ANKRD33B: variants seen among roughly 807,000 people sequenced by gnomAD.
ANKRD33B encodes the protein ankyrin repeat domain-containing protein 33B.
Under a neutral mutation model 21.5 loss-of-function variants are expected in ANKRD33B, and 6 were observed. The observed-to-expected ratio is 0.28, with a 90% CI of 0.15 to 0.55. The LOEUF (loss-of-function observed/expected upper bound fraction) is 0.55. Ranked by LOEUF, ANKRD33B falls within the 20% of genes least tolerant of loss-of-function variation. The pLI, the probability that ANKRD33B is intolerant of heterozygous loss-of-function variation, is 0.94. For synonymous variants in ANKRD33B, 347 were observed against 342.4 expected (o/e 1.01, Z -0.15); for missense variants, 698 against 747.2 (o/e 0.93, Z 0.77).
chr5:10,589,578 A>G (rs774588499), intron 1 of ANKRD33B, among the ~76,000 whole-genome samples: 1 of 152,234 alleles, frequency 6.6e-6, no homozygotes, highest in African/African-American at 2.4e-5. Flanking sequence ...GACATATTTC[A>G]TATCACATGT....
In ANKRD33B at chr5:10,581,012, G is replaced by A. The variant is rs557239842; in HGVS notation, c.366+16179G>A. Among the ~76,000 whole-genome samples the A allele has an allele frequency of 7.9e-5, 12 of 152,222 alleles. No individual in the cohort carries two copies. In the East Asian group the frequency reaches 2.1e-3, roughly 27 times the overall value. On this transcript the variant is annotated intron_variant, in intron 1 of 3. Transcript: ENST00000296657. The stretch of plus-strand genomic sequence containing the variant: ...GCCAGTCGGTGGGTCCCATGTCCTC[G>A]TCCTGCCTCCAGCCTTGGGGTGGGC...
At chr5:10,580,339 G>T (rs760693305) in intron 1 of ANKRD33B, among the ~76,000 whole-genome samples, 4 of 152,196 alleles carry the variant, frequency 2.6e-5, no homozygotes, top group African/African-American at 4.8e-5. Flanking sequence ...CTGACCTGTC[G>T]CTGCAGAGGT....
intron 1 of ANKRD33B, among the ~76,000 whole-genome samples, chr5:10,613,102 G>T (rs548502874): frequency 1.1e-4 from 16 of 152,218 alleles, no homozygotes; most frequent in African/African-American, 3.9e-4. Context: ...GCCCCACGTG[G>T]CTCTGGGGCT....
At chr5:10,618,584 A>T in intron 2 of ANKRD33B, 122 bp downstream of exon 2, 2 of 1,347,312 alleles carry the variant, frequency 1.5e-6, no homozygotes, top group Non-Finnish European at 2.0e-6. Context: ...CCTGCTACCA[A>T]GGGGTGCCAG....
chr5:10,593,043 AC>A (rs1735730443), intron 1 of ANKRD33B, among the ~76,000 whole-genome samples: 2 of 151,672 alleles, frequency 1.3e-5, no homozygotes, highest in South Asian at 4.2e-4. Context: ...TTTTCCCACC[AC>A]CCCGTATCCA....
At chr5:10,622,105 C>T (rs563420284) in intron 2 of ANKRD33B, among the ~76,000 whole-genome samples, 1 of 152,326 alleles carries the variant, frequency 6.6e-6, no homozygotes, top group East Asian at 1.9e-4. Context: ...TGAGCTATAA[C>T]AGGAAGTAAA....
intron 1 of ANKRD33B, among the ~76,000 whole-genome samples, chr5:10,591,416 G>A (rs1288991301): frequency 1.3e-5 from 2 of 151,912 alleles, no homozygotes; most frequent in East Asian, 1.9e-4. Context: ...GGCTAGTCTC[G>A]AACGCCTGAC....
At chr5:10,569,616 A>ATAAG (rs1405991055) in intron 1 of ANKRD33B, among the ~76,000 whole-genome samples, 1 of 151,808 alleles carries the variant, frequency 6.6e-6, no homozygotes, top group East Asian at 1.9e-4. Context: ...AAATAAATAA[A>ATAAG]TAAATAAATA....
Position 10,649,630 on chromosome 5 carries a change from C to G in ANKRD33B, c.1002C>G (p.Ser334Arg). 6.5e-7 allele frequency: 1 copy of G among 1,531,052 alleles called. No individual in the cohort carries two copies. The highest frequency in any genetic ancestry group is 8.7e-7 in the Non-Finnish European group (1 of 1,144,790). 94.8% of individuals were successfully genotyped at this position (1,531,052 alleles called of 1,614,324 possible). Residue 334 changes from serine (S) to arginine (R), a missense_variant, in exon 4 of 4, where the codon AGC becomes AGG. Physicochemically the swap from Ser to Arg is moderately radical, Grantham distance 110. Transcript: ENST00000296657. ...CCGTGTGCCCTGAGAGCCCTCCGAGCGTGGGGAAGAGGCGGCTGGCGGTGC... is the reference window on the plus strand; with the variant it reads ...CCGTGTGCCCTGAGAGCCCTCCGAGGGTGGGGAAGAGGCGGCTGGCGGTGC... The part of the protein sequence containing the change: ...CQTVCPESPP[S>R]VGKRRLAVQE...
At chr5:10,618,574 C>G in intron 2 of ANKRD33B, 112 bp downstream of exon 2, 9 of 1,383,320 alleles carry the variant, frequency 6.5e-6, no homozygotes, top group Non-Finnish European at 6.7e-6. Flanking sequence ...GAGACCATGT[C>G]CTGCTACCAA....
chr5:10,566,297 C>T (rs1735055381), intron 1 of ANKRD33B, among the ~76,000 whole-genome samples: 1 of 152,202 alleles, frequency 6.6e-6, no homozygotes, highest in African/African-American at 2.4e-5. Flanking sequence ...GCGACAGATG[C>T]CCTGGCTGGC....
chr5:10,618,482 T>A lies in ANKRD33B; in HGVS notation c.496+20T>A. ...AGGCAGGTAAGAGCTGGCTTTCCCCTTTCCTCTCAGAGCCGTGGCCAGAGC... is the reference window on the plus strand; with the variant it reads ...AGGCAGGTAAGAGCTGGCTTTCCCCATTCCTCTCAGAGCCGTGGCCAGAGC... On this transcript the variant is annotated intron_variant, in intron 2 of 3. Transcript: ENST00000296657. 1 of 1,512,966 alleles carries A rather than the reference T, an allele frequency of 6.6e-7. No homozygotes were observed. Among genetic ancestry groups the A allele is most frequent in the Non-Finnish European group, 8.8e-7 (1 of 1,133,152 alleles). The allele number at this position is 1,512,966 out of a possible 1,614,324, so 93.7% of individuals were successfully genotyped here.
At chr5:10,596,461 C>T (rs1219798698) in intron 1 of ANKRD33B, among the ~76,000 whole-genome samples, 1 of 152,164 alleles carries the variant, frequency 6.6e-6, no homozygotes, top group Non-Finnish European at 1.5e-5. Context: ...AGGATAATGC[C>T]TTCCAGCACC....
chr5:10,596,657 G>C (rs1234772693), intron 1 of ANKRD33B, among the ~76,000 whole-genome samples: 1 of 152,142 alleles, frequency 6.6e-6, no homozygotes, highest in East Asian at 1.9e-4. Flanking sequence ...CCCCAACCTA[G>C]TAAGACAGGC....
intron 1 of ANKRD33B, among the ~76,000 whole-genome samples, chr5:10,612,912 CCA>C (rs1276589541): frequency 6.6e-6 from 1 of 152,210 alleles, no homozygotes; most frequent in Non-Finnish European, 1.5e-5. Context: ...ATTCATAAAG[CCA>C]CATAGACATC....
rs1024568119 is a variant in ANKRD33B at position 10,656,911 on chromosome 5, A to G, written c.*6798A>G. On this transcript the variant is annotated 3_prime_UTR_variant, in exon 4 of 4. Transcript: ENST00000296657. ...TGTATTAGACACTCTAATCAATGCT[A>G]ACACAGTTCAGTTTTTGAGGGAACT... 1 of 152,354 alleles carries G rather than the reference A, an allele frequency of 6.6e-6. No individual in the cohort carries two copies. The highest frequency in any genetic ancestry group is 1.5e-5 in the Non-Finnish European group (1 of 68,042). The allele number at this position is 152,354 out of a possible 1,614,324, so 9.4% of individuals were successfully genotyped here. A position where few individuals can be genotyped will look rare whatever the true frequency, so the allele number is the denominator to read the frequency against.
intron 1 of ANKRD33B, among the ~76,000 whole-genome samples, chr5:10,572,192 G>T (rs764885078): frequency 6.6e-6 from 1 of 152,002 alleles, no homozygotes; most frequent in Non-Finnish European, 1.5e-5. Flanking sequence ...CCCGGCCAGG[G>T]CATCAGTATT....
chr5:10,565,084 C>T (rs560292503), intron 1 of ANKRD33B, among the ~76,000 whole-genome samples: 2 of 152,368 alleles, frequency 1.3e-5, no homozygotes, highest in Non-Finnish European at 2.9e-5. Flanking sequence ...AGTCCGGCGT[C>T]CTCACCGCAT....
chr5:10,649,323 C>T lies in ANKRD33B; in HGVS notation c.695C>T (p.Thr232Ile), dbSNP rs778810872. 65 of 1,534,210 alleles carry T rather than the reference C, an allele frequency of 4.2e-5. No homozygotes were observed. The highest frequency in any genetic ancestry group is 5.2e-5 in the Non-Finnish European group (60 of 1,146,290). ...GGGATGTCGCCGCAGGAGTGGGCCA[C>T]TTACACGGGCCGCGTGGATGCCGTC... Reference protein sequence around the residue: ...RRGMSPQEWATYTGRVDAVRL... With the variant: ...RRGMSPQEWAIYTGRVDAVRL... Residue 232 changes from threonine (T) to isoleucine (I), a missense_variant, in exon 4 of 4, where the codon ACT becomes ATT. This residue lies in a region of ANKRD33B where 543 missense variants were observed against 566.5 expected (regional missense o/e 0.96). Coordinates refer to ENST00000296657, the MANE Select transcript of ANKRD33B (RefSeq NM_001164440.2).
Sources: gnomAD v4.1 joint callset for allele counts (sites outside exome capture counted in the v4.1 genomes callset) on GRCh38, gnomAD v4.1.1 for gene constraint, gnomAD v4.1.1 regional missense constraint, MANE v1.5 for transcripts, NCBI Gene and HGNC (gene_info 2026-07-23, HGNC 2026-07-21) for gene names.